HEPH: variants seen among roughly 807,000 people sequenced by gnomAD.
HEPH encodes hephaestin.
HEPH carries 69 observed loss-of-function variants against 80.8 expected under a neutral mutation model. The ratio of observed to expected loss-of-function variants is 0.85; its 90% CI spans 0.70 to 1.04. The LOEUF (loss-of-function observed/expected upper bound fraction) is 1.04. HEPH is among the 50% of genes least tolerant of loss of function. The probability of loss-of-function intolerance (pLI) is 0.00; values close to 1 mark genes in which losing one functional copy is unlikely to be tolerated. For synonymous variants in HEPH, 431 were observed against 322.8 expected, an observed-to-expected ratio of 1.34 and a Z score of -3.60; for missense variants, 1,115 against 891.3, an observed-to-expected ratio of 1.25 and a Z score of -3.20.
Position 66,180,771 on chromosome X carries a change from T to A in HEPH, c.625+6970T>A, listed in dbSNP as rs758095178. 7.5e-5 allele frequency among the ~76,000 whole-genome samples: 7 copies of A among 92,999 alleles called. No homozygotes were observed. In the East Asian group the frequency reaches 2.5e-3, roughly 33 times the overall value. The allele number at this position is 92,999 out of a possible 115,157, so 80.8% of individuals were successfully genotyped here. ...TGCAGGTTAGTTACATATGTATACA[T>A]GTGCCATGCTGGTGCGCTGCACCCA... On this transcript the variant is annotated intron_variant, in intron 4 of 20. Coordinates refer to ENST00000343002, the MANE Select transcript of HEPH (RefSeq NM_001367233.3).
chrX:66,212,812 G>C (rs73215269), intron 15 of HEPH, among the ~76,000 whole-genome samples: 2,228 of 109,900 alleles, frequency 0.02, 16 homozygotes, highest in Non-Finnish European at 0.032. Context: ...GGCTATTTGG[G>C]CTCTTTTTTG....
At chrX:66,171,283 A>G (rs1229808522) in intron 2 of HEPH, 2 of 199,333 alleles carry the variant, frequency 1.0e-5, no homozygotes, top group Non-Finnish European at 1.9e-5. Flanking sequence ...GTATGTGTGT[A>G]GTTATTTTAT....
chrX:66,259,509 A>C (rs2091285514), intron 18 of HEPH, among the ~76,000 whole-genome samples: 1 of 111,945 alleles, frequency 8.9e-6, no homozygotes, highest in African/African-American at 3.2e-5. Context: ...TTTCTAAAGG[A>C]AATATATGCC....
intron 13 of HEPH, among the ~76,000 whole-genome samples, chrX:66,206,123 C>A (rs1264563781): frequency 9.1e-6 from 1 of 110,340 alleles, no homozygotes; most frequent in Non-Finnish European, 1.9e-5. Context: ...ATTTCATTCC[C>A]TCCCTATGTC....
chrX:66,189,732 C>G lies in HEPH; in HGVS notation c.857C>G (p.Ala286Gly). The part of the protein sequence containing the change: ...FGNLPELNMC[A>G]QKRVAWHLFG... ...AATTTACCTGAGCTGAACATGTGTG[C>G]ACAGAAACGTGTGGCCTGGCACTTG... The change falls in exon 6 of 21, where the codon GCA becomes GGA. Residue 286 changes from alanine to glycine, a missense_variant. Physicochemically the swap from Ala to Gly is moderately conservative, Grantham distance 60. This residue lies in a region of HEPH where 391 missense variants were observed against 343.6 expected (regional missense o/e 1.14). Transcript: ENST00000343002. 1 of 1,210,810 alleles carries G rather than the reference C, an allele frequency of 8.3e-7. No individual in the cohort carries two copies. The highest frequency in any genetic ancestry group is 1.1e-6 in the Non-Finnish European group (1 of 894,923).
rs761233997 is a variant in HEPH at position 66,199,630 on chromosome X, A to G, written c.1864+602A>G. Among the ~76,000 whole-genome samples, 379 of 112,357 alleles carry G rather than the reference A, an allele frequency of 3.4e-3. 1 individual carries two copies. Among genetic ancestry groups the G allele is most frequent in the Non-Finnish European group, 6.0e-3 (322 of 53,297 alleles). ...GAAAAAAAATGATATGCTTCCTGTT[A>G]TGTCAATCCAGTGCAGGAAATAGAT... On this transcript the variant is annotated intron_variant, in intron 11 of 20. Transcript: ENST00000343002.
Position 66,264,806 on chromosome X carries a change from T to TTA in HEPH, c.3244+1130_3244+1131dup, listed in dbSNP as rs1181752448. On this transcript the variant is annotated intron_variant, in intron 20 of 20. Transcript: ENST00000343002. The stretch of plus-strand genomic sequence containing the variant: ...GCAACTAAATTATTTTATATATATA[T>TTA]TATATATATATATTTTTATATATAT... 5.5e-3 allele frequency among the ~76,000 whole-genome samples: 579 copies of TTA among 105,375 alleles called. 6 individuals carry two copies. The highest frequency in any genetic ancestry group is 0.018 in the African/African-American group (526 of 29,426). The allele number at this position is 105,375 out of a possible 115,157, so 91.5% of individuals were successfully genotyped here. A position where few individuals can be genotyped will look rare whatever the true frequency, so the allele number is the denominator to read the frequency against.
intron 15 of HEPH, among the ~76,000 whole-genome samples, chrX:66,221,801 T>C (rs1456715103): frequency 1.8e-5 from 2 of 112,949 alleles, no homozygotes; most frequent in African/African-American, 6.4e-5. Flanking sequence ...TTATTAACTG[T>C]CACCTACCAA....
intron 2 of HEPH, 30 bp from the exon 3 acceptor site, chrX:66,172,325 A>G: frequency 8.6e-7 from 1 of 1,162,549 alleles, no homozygotes; most frequent in Non-Finnish European, 1.1e-6. Context: ...GATGGGGGGC[A>G]AAATTATGAC....
intron 9 of HEPH, among the ~76,000 whole-genome samples, chrX:66,196,024 C>T (rs768904938): frequency 9.0e-6 from 1 of 111,324 alleles, no homozygotes; most frequent in Non-Finnish European, 1.9e-5. Flanking sequence ...GAAGTCAATA[C>T]CATCAATAAG....
chrX:66,234,954 G>A (rs768803988), intron 15 of HEPH, among the ~76,000 whole-genome samples: 2 of 110,334 alleles, frequency 1.8e-5, no homozygotes, highest in Non-Finnish European at 3.8e-5. Flanking sequence ...TGGCCATTGA[G>A]CAGTTTTTTT....
At chrX:66,246,719 T>C (rs1410182124) in intron 15 of HEPH, among the ~76,000 whole-genome samples, 1 of 111,903 alleles carries the variant, frequency 8.9e-6, no homozygotes, top group African/African-American at 3.3e-5. Context: ...TCTGGCTCTT[T>C]GCTGTGCCCA....
At position 66,245,603 on chromosome X, in the gene HEPH, C is replaced by T. The variant is rs1043396978; in HGVS notation, c.2564-9432C>T. 3.0e-4 allele frequency among the ~76,000 whole-genome samples: 33 copies of T among 111,142 alleles called. 2 individuals are homozygous for T. The highest frequency in any genetic ancestry group is 1.5e-4 in the Non-Finnish European group (8 of 52,957). ...GAAAGTTAACAAGGATATCCAGGAACTGAACTCAGCTCTGCACCAAGTGGA... is the reference window on the plus strand; with the variant it reads ...GAAAGTTAACAAGGATATCCAGGAATTGAACTCAGCTCTGCACCAAGTGGA... On this transcript the variant is annotated intron_variant, in intron 15 of 20. Coordinates refer to ENST00000343002, the MANE Select transcript of HEPH (RefSeq NM_001367233.3).
At position 66,266,959 on chromosome X, in the gene HEPH, T is replaced by A. The variant is rs889303468; in HGVS notation, c.*287T>A. ...CTACATTATATTTCCTTCTGACACT[T>A]GGAAGGTATTGAAATTTCTAGAAAT... is the stretch of plus-strand genomic sequence containing the variant. On this transcript the variant is annotated 3_prime_UTR_variant, in exon 21 of 21. Coordinates refer to ENST00000343002, the MANE Select transcript of HEPH (RefSeq NM_001367233.3). The A allele has an allele frequency of 3.9e-6, 1 of 259,475 alleles. No individual in the cohort carries two copies. Among genetic ancestry groups the A allele is most frequent in the Admixed American group, 6.0e-5 (1 of 16,663 alleles). The allele number at this position is 259,475 out of a possible 1,213,427, so 21.4% of individuals were successfully genotyped here.
intron 15 of HEPH, among the ~76,000 whole-genome samples, chrX:66,233,565 C>G: frequency 9.0e-6 from 1 of 110,885 alleles, no homozygotes; most frequent in Non-Finnish European, 1.9e-5. Context: ...CAATGTTAAA[C>G]TTTTAACTAC....
intron 15 of HEPH, among the ~76,000 whole-genome samples, chrX:66,226,379 C>T (rs2089890765): frequency 8.9e-6 from 1 of 111,760 alleles, no homozygotes; most frequent in Non-Finnish European, 1.9e-5. Flanking sequence ...TATGGTCATG[C>T]CTCAAGGAAC....
At chrX:66,234,359 G>A (rs746973941) in intron 15 of HEPH, among the ~76,000 whole-genome samples, 4 of 110,753 alleles carry the variant, frequency 3.6e-5, no homozygotes, top group East Asian at 2.8e-4. Flanking sequence ...TTCCTATTGC[G>A]AATAGTGCTG....
In HEPH at chrX:66,251,166, G is replaced by T. The variant is rs373992504; in HGVS notation, c.2564-3869G>T. Among the ~76,000 whole-genome samples the T allele has an allele frequency of 1.1e-4, 12 of 112,486 alleles. No individual in the cohort carries two copies. The South Asian group carries it at 4.1e-3, about 38-fold the overall frequency. ...CCAGTGTGCTGGGATTACAGGTGCT[G>T]TGTAGAAGCTTTTGTGTGAACATCA... On this transcript the variant is annotated intron_variant, in intron 15 of 20. Transcript: ENST00000343002.
intron 4 of HEPH, among the ~76,000 whole-genome samples, chrX:66,186,714 C>G (rs1320053748): frequency 8.9e-6 from 1 of 111,759 alleles, no homozygotes; most frequent in Non-Finnish European, 1.9e-5. Flanking sequence ...ATTCGGCCAT[C>G]TTTGCTCCTC....
Sources: allele counts gnomAD v4.1 joint callset (sites outside exome capture counted in the v4.1 genomes callset), GRCh38; gene constraint gnomAD v4.1.1; regional missense constraint gnomAD v4.1.1; transcripts MANE v1.5; gene names NCBI Gene and HGNC (gene_info 2026-07-23, HGNC 2026-07-21).